RIPOR2: variants seen among roughly 807,000 people sequenced by gnomAD.
RIPOR2 encodes rho family-interacting cell polarization regulator 2.
In RIPOR2, 39 loss-of-function variants were observed where a neutral mutation model predicts 114.5. The ratio of observed to expected loss-of-function variants is 0.34; its 90% CI spans 0.26 to 0.44. The LOEUF is 0.44. Among genes scored for constraint, RIPOR2 ranks in the 20% least tolerant of loss-of-function variants. The pLI, the probability that RIPOR2 is intolerant of heterozygous loss-of-function variation, is 1.00. For synonymous variants in RIPOR2, 445 were observed against 484.4 expected, an observed-to-expected ratio of 0.92 and a Z score of 1.07; for missense variants, 1,007 against 1,255.1, an observed-to-expected ratio of 0.80 and a Z score of 2.99.
At chr6:24,881,254 T>C (rs1187569818) in intron 1 of RIPOR2, among the ~76,000 whole-genome samples, 1 of 152,160 alleles carries the variant, frequency 6.6e-6, no homozygotes, top group African/African-American at 2.4e-5. Context: ...TTCCAGTCTC[T>C]AAGTTATTGA....
chr6:24,898,045 GGAAGGAAGGAAA>G (rs1410392373), intron 1 of RIPOR2, among the ~76,000 whole-genome samples: 1 of 151,282 alleles, frequency 6.6e-6, no homozygotes, highest in African/African-American at 2.4e-5. Flanking sequence ...AAGGAAGGAA[GGAAGGAAGGAAA>G]GAAGGAAGGA....
chr6:25,018,139 T>G (rs1156907578), intron 1 of RIPOR2, among the ~76,000 whole-genome samples: 1 of 152,182 alleles, frequency 6.6e-6, no homozygotes, highest in Non-Finnish European at 1.5e-5. Context: ...GGGTTTCATG[T>G]TGGGTTTAGA....
chr6:24,876,744 G>GT (rs1342179832), intron 1 of RIPOR2, among the ~76,000 whole-genome samples: 1 of 152,188 alleles, frequency 6.6e-6, no homozygotes, highest in Non-Finnish European at 1.5e-5. Flanking sequence ...CGGGGGGAAG[G>GT]TAAGAGGAAA....
intron 3 of RIPOR2, 116 bp downstream of exon 3, chr6:24,873,528 C>A: frequency 1.1e-6 from 1 of 920,216 alleles, no homozygotes. Flanking sequence ...AATTGTGGTA[C>A]AAGAATAAAA....
At chr6:24,855,237 T>C (rs1763344195) in intron 8 of RIPOR2, among the ~76,000 whole-genome samples, 1 of 152,172 alleles carries the variant, frequency 6.6e-6, no homozygotes, top group African/African-American at 2.4e-5. Flanking sequence ...GATATACTTA[T>C]TTTGTAATAC....
rs371222625 is a variant in RIPOR2, at chr6:24,847,981, G to A, written c.1164+44C>T. ...TTTCAAATGCTGGGTGCAAGCACTG[G>A]CTCAGGTGCATTGATTCTACTCGGG... On this transcript the variant is annotated intron_variant, in intron 12 of 21. Coordinates refer to ENST00000643898, the MANE Select transcript of RIPOR2 (RefSeq NM_001286445.3). 35 of 1,612,124 alleles carry A rather than the reference G, an allele frequency of 2.2e-5. No individual in the cohort carries two copies. In the African/African-American group the frequency reaches 4.3e-4, roughly 20 times the overall value.
chr6:24,823,194 AT>A (rs1759854901), intron 19 of RIPOR2, among the ~76,000 whole-genome samples: 1 of 152,190 alleles, frequency 6.6e-6, no homozygotes, highest in African/African-American at 2.4e-5. Flanking sequence ...TCACAGAGGC[AT>A]TTTTGTGTTG....
At position 25,024,119 on chromosome 6, in the gene RIPOR2, G is replaced by A. The variant is rs943036698; in HGVS notation, c.76+17732C>T. On this transcript the variant is annotated intron_variant, in intron 1 of 13. Transcript: ENST00000510784. ...TACCAGGTGAGCTCAAACCGGACCT[G>A]ATATTCCCCTTACCGGTGGCGCCGC... 42 of 850,208 alleles carry A rather than the reference G, an allele frequency of 4.9e-5. No homozygotes were observed. In the Admixed American group the frequency reaches 6.5e-4, roughly 13 times the overall value. The allele number at this position is 850,208 out of a possible 1,614,324, so 52.7% of individuals were successfully genotyped here.
At chr6:24,885,895 T>C (rs1052231805) in intron 1 of RIPOR2, among the ~76,000 whole-genome samples, 2 of 152,192 alleles carry the variant, frequency 1.3e-5, no homozygotes, top group Non-Finnish European at 2.9e-5. Flanking sequence ...GAAACTAGCA[T>C]CTTTTTGAAG....
chr6:25,020,243 T>C (rs541066887), intron 1 of RIPOR2, among the ~76,000 whole-genome samples: 1 of 152,226 alleles, frequency 6.6e-6, no homozygotes, highest in Non-Finnish European at 1.5e-5. Context: ...TGTCTCCTTA[T>C]GTGTTAGTGA....
At chr6:24,898,840 C>T (rs111917000) in intron 1 of RIPOR2, among the ~76,000 whole-genome samples, 5 of 152,184 alleles carry the variant, frequency 3.3e-5, no homozygotes, top group African/African-American at 1.2e-4. Flanking sequence ...TTTACTGCTC[C>T]GTCATAACAA....
At chr6:24,806,544 T>A in intron 21 of RIPOR2, 71 bp from the exon 22 acceptor site, 1 of 1,187,928 alleles carries the variant, frequency 8.4e-7, no homozygotes, top group Non-Finnish European at 1.2e-6. Context: ...AGTAACATAG[T>A]GCCATTTGTT....
In RIPOR2 at chr6:24,809,746, T is replaced by C. The variant is rs562012591; in HGVS notation, c.3014A>G (p.Asn1005Ser). The change falls in exon 21 of 22, where the codon AAT (asparagine) becomes AGT (serine). Residue 1005 changes from asparagine to serine, a missense_variant. Coordinates refer to ENST00000643898, the MANE Select transcript of RIPOR2 (RefSeq NM_001286445.3). ...AGACAAGAGGGTTTCTGAGGCCACA[T>C]TTCTGATTTCTTCAGTATCAGATTG... is the stretch of plus-strand genomic sequence containing the variant. The part of the protein sequence containing the change: ...LCQSDTEEIR[N>S]VASETLLSLG... 5.2e-6 allele frequency: 8 copies of C among 1,550,712 alleles called. No individual in the cohort carries two copies. The highest frequency in any genetic ancestry group is 7.0e-6 in the Non-Finnish European group (8 of 1,146,050).
intron 6 of RIPOR2, among the ~76,000 whole-genome samples, chr6:24,866,239 A>G (rs889936800): frequency 6.6e-6 from 1 of 152,066 alleles, no homozygotes; most frequent in African/African-American, 2.4e-5. Flanking sequence ...AGCAATATAA[A>G]TGAACTTTTC....
At chr6:24,811,434 A>G (rs1441879200) in intron 20 of RIPOR2, among the ~76,000 whole-genome samples, 1 of 150,648 alleles carries the variant, frequency 6.6e-6, no homozygotes, top group East Asian at 2.0e-4. Flanking sequence ...ACGGGGTTTC[A>G]TCATGTTGAC....
chr6:24,906,270 C>T (rs1199765160), intron 1 of RIPOR2, among the ~76,000 whole-genome samples: 1 of 152,140 alleles, frequency 6.6e-6, no homozygotes, highest in Non-Finnish European at 1.5e-5. Context: ...CATGCAAGTC[C>T]CAAGGATATA....
intron 20 of RIPOR2, among the ~76,000 whole-genome samples, chr6:24,815,657 A>T (rs1191470335): frequency 8.5e-5 from 2 of 23,464 alleles, no homozygotes; most frequent in African/African-American, 2.0e-4. Context: ...GTGTCTTTTA[A>T]TTGCAGAATT....
At chr6:25,009,525 T>C (rs1775693501) in intron 1 of RIPOR2, among the ~76,000 whole-genome samples, 1 of 152,158 alleles carries the variant, frequency 6.6e-6, no homozygotes, top group Admixed American at 6.5e-5. Flanking sequence ...CAAACTTCAT[T>C]CAAAACCATG....
chr6:24,951,862 A>T (rs1772783417), intron 1 of RIPOR2, among the ~76,000 whole-genome samples: 1 of 152,198 alleles, frequency 6.6e-6, no homozygotes, highest in Non-Finnish European at 1.5e-5. Flanking sequence ...ATGAGGGCAT[A>T]TGAGAACGGA....
Sources: allele counts gnomAD v4.1 joint callset (sites outside exome capture counted in the v4.1 genomes callset), GRCh38; gene constraint gnomAD v4.1.1; transcripts MANE v1.5; gene names NCBI Gene and HGNC (gene_info 2026-07-23, HGNC 2026-07-21).